GALNT14: variants seen among roughly 807,000 people sequenced by gnomAD.
The protein encoded by GALNT14 is UDP-GalNAc:polypeptide N-acetylgalactosaminyltransferase 14.
GALNT14 carries 60 observed loss-of-function variants against 77.5 expected under a neutral mutation model. The ratio of observed to expected loss-of-function variants is 0.77; its 90% CI spans 0.63 to 0.96. The LOEUF (loss-of-function observed/expected upper bound fraction) is 0.96, where lower values mean the gene tolerates loss of function less well. GALNT14 is among the 40% of genes least tolerant of loss of function. The pLI is 0.00. For synonymous variants in GALNT14, 280 were observed against 281.7 expected (o/e 0.99, Z 0.06); for missense variants, 710 against 731.0 (o/e 0.97, Z 0.33).
chr2:31,125,324 A>G (rs1678653443), intron 1 of GALNT14: 1 of 1,136,494 alleles, frequency 8.8e-7, no homozygotes, highest in Admixed American at 2.0e-5. Flanking sequence ...TTGATTTCAC[A>G]GAGATCTTAC....
intron 2 of GALNT14, among the ~76,000 whole-genome samples, chr2:30,970,883 G>A (rs987804824): frequency 4.6e-5 from 7 of 152,110 alleles, no homozygotes; most frequent in African/African-American, 1.4e-4. Flanking sequence ...CCTCACAACC[G>A]CCCCCACTCC....
chr2:30,988,088 C>T (rs1013128503), intron 2 of GALNT14, among the ~76,000 whole-genome samples: 2 of 152,242 alleles, frequency 1.3e-5, no homozygotes, highest in Admixed American at 1.3e-4. Flanking sequence ...CTTCCTTTAG[C>T]TCCTCTTTTC....
chr2:30,933,708 G>T (rs189021027), intron 9 of GALNT14, among the ~76,000 whole-genome samples: 1 of 152,318 alleles, frequency 6.6e-6, no homozygotes, highest in East Asian at 1.9e-4. Flanking sequence ...CAATAACATG[G>T]GGGAAAGGAA....
chr2:31,120,073 G>A lies in GALNT14; in HGVS notation c.129+17885C>T, dbSNP rs920860138. On this transcript the variant is annotated intron_variant, in intron 1 of 14. Coordinates refer to ENST00000349752, the MANE Select transcript of GALNT14 (RefSeq NM_024572.4). ...CGGGAGGCTGAGGCAGGAGAATGGCGTGAACCCGGGAGGCGGAGCTTGCAG... is the reference window on the plus strand; with the variant it reads ...CGGGAGGCTGAGGCAGGAGAATGGCATGAACCCGGGAGGCGGAGCTTGCAG... Among the ~76,000 whole-genome samples, 5 of 123,476 alleles carry A rather than the reference G, an allele frequency of 4.0e-5. 1 individual carries two copies. The highest frequency in any genetic ancestry group is 8.9e-5 in the Admixed American group (1 of 11,176). 81.0% of individuals were successfully genotyped at this position (123,476 alleles called of 152,430 possible). A position where few individuals can be genotyped will look rare whatever the true frequency, so the allele number is the denominator to read the frequency against.
intron 2 of GALNT14, among the ~76,000 whole-genome samples, chr2:30,973,783 C>T (rs894647919): frequency 1.3e-5 from 2 of 152,204 alleles, no homozygotes; most frequent in East Asian, 1.9e-4. Context: ...TAAACATATA[C>T]TGCTCTTATT....
rs371834072 is a variant in GALNT14, at chr2:31,015,345, G to A, written c.130-22338C>T. On this transcript the variant is annotated intron_variant, in intron 1 of 14. Transcript: ENST00000349752. Reference sequence around the variant, plus strand: ...ATGGGAACTCACTCTCTGCCAGTGAGAGTTGAGAGTTAGTGACTACAGCCT... The same window carrying A: ...ATGGGAACTCACTCTCTGCCAGTGAAAGTTGAGAGTTAGTGACTACAGCCT... 1.3e-4 allele frequency among the ~76,000 whole-genome samples: 19 copies of A among 151,268 alleles called. No homozygotes were observed. The East Asian group carries it at 2.1e-3, about 17-fold the overall frequency.
intron 1 of GALNT14, among the ~76,000 whole-genome samples, chr2:31,043,540 G>T (rs2148504232): frequency 6.6e-6 from 1 of 152,292 alleles, no homozygotes; most frequent in South Asian, 2.1e-4. Flanking sequence ...CACTGTGCTT[G>T]AAGATGGGAA....
chr2:30,966,224 C>T lies in GALNT14; in HGVS notation c.378G>A (p.Thr126=), dbSNP rs200313372. The T allele has an allele frequency of 2.3e-5, 37 of 1,613,804 alleles. No homozygotes were observed. The highest frequency in any genetic ancestry group is 1.6e-4 in the Middle Eastern group (1 of 6,084). ...IITFHNEARS[T]LLRTIRSVLN... is the part of the protein sequence containing the mutation. ...CTCACCTGCGGATGGTCCTGAGCAGCGTGGAGCGGGCCTCGTTGTGGAAGG... is the reference window on the plus strand; with the variant it reads ...CTCACCTGCGGATGGTCCTGAGCAGTGTGGAGCGGGCCTCGTTGTGGAAGG... The change falls in exon 3 of 15, where the codon ACG becomes ACA. Residue 126 remains threonine (T), a synonymous_variant. Coordinates refer to ENST00000349752, the MANE Select transcript of GALNT14 (RefSeq NM_024572.4).
chr2:30,944,773 A>T, intron 8 of GALNT14, 85 bp downstream of exon 8: 2 of 1,058,216 alleles, frequency 1.9e-6, no homozygotes, highest in Non-Finnish European at 2.7e-6. Flanking sequence ...TGATGCTTTG[A>T]CATCTGATAT....
chr2:31,138,151 TGGC>T lies in GALNT14; in HGVS notation c.-68_-66del. ...GGGGGCACCCCCCGGCGGTCAGGGT[TGGC>T]GGGGCAGGAGTCCTGGCGAGCGCCT... On this transcript the variant is annotated 5_prime_UTR_variant, in exon 1 of 15. Coordinates refer to ENST00000349752, the MANE Select transcript of GALNT14 (RefSeq NM_024572.4). 6.2e-7 allele frequency: 1 copy of T among 1,609,110 alleles called. No homozygotes were observed. Among genetic ancestry groups the T allele is most frequent in the Non-Finnish European group, 8.5e-7 (1 of 1,176,922 alleles).
chr2:30,957,107 T>TG (rs1667415095), intron 4 of GALNT14, among the ~76,000 whole-genome samples: 1 of 152,150 alleles, frequency 6.6e-6, no homozygotes, highest in African/African-American at 2.4e-5. Context: ...TCCACCATTG[T>TG]GGTTTTGCTT....
chr2:30,977,089 T>C (rs1558459814), intron 2 of GALNT14, among the ~76,000 whole-genome samples: 1 of 146,964 alleles, frequency 6.8e-6, no homozygotes, highest in African/African-American at 2.6e-5. Context: ...TTGGCTTTTC[T>C]GTCTTTTTTT....
intron 1 of GALNT14, among the ~76,000 whole-genome samples, chr2:31,120,591 C>T (rs1041335473): frequency 7.9e-5 from 12 of 152,160 alleles, no homozygotes; most frequent in Non-Finnish European, 1.8e-4. Flanking sequence ...GAGTCTCACT[C>T]TGTCGCCCAG....
In GALNT14 at chr2:30,945,685, A is replaced by G. The variant is rs1475907417; in HGVS notation, c.742+98T>C. ...AGGTTGCAGGCTGAGCTTTCTCGAC[A>G]AGCAACTAAGAGCTTTTCCTTCACT... On this transcript the variant is annotated intron_variant, in intron 7 of 14. Coordinates refer to ENST00000349752, the MANE Select transcript of GALNT14 (RefSeq NM_024572.4). The G allele has an allele frequency of 4.1e-6, 4 of 980,416 alleles. No individual in the cohort carries two copies. The Admixed American group carries it at 5.6e-5, about 14-fold the overall frequency. 60.7% of individuals were successfully genotyped at this position (980,416 alleles called of 1,614,324 possible). A position where few individuals can be genotyped will look rare whatever the true frequency, so the allele number is the denominator to read the frequency against.
At chr2:30,912,139 C>A in intron 14 of GALNT14, 84 bp downstream of exon 14, 1 of 1,524,546 alleles carries the variant, frequency 6.6e-7, no homozygotes. Flanking sequence ...CAATTTCTCT[C>A]TTTTCCTGCT....
chr2:31,014,418 G>T (rs78894218), intron 1 of GALNT14, among the ~76,000 whole-genome samples: 1 of 152,098 alleles, frequency 6.6e-6, no homozygotes, highest in Non-Finnish European at 1.5e-5. Flanking sequence ...TGGGCCCCCA[G>T]TTTCCAACCA....
At chr2:31,086,005 C>T (rs1176745261) in intron 1 of GALNT14, among the ~76,000 whole-genome samples, 2 of 152,210 alleles carry the variant, frequency 1.3e-5, no homozygotes, top group Non-Finnish European at 2.9e-5. Flanking sequence ...TACTCGCTAT[C>T]ACAAGAACAG....
chr2:30,901,321 C>T, the GALNT14 span, among the ~76,000 whole-genome samples: 1 of 152,038 alleles, frequency 6.6e-6, no homozygotes, highest in African/African-American at 2.4e-5. Flanking sequence ...GTCTCAGCCA[C>T]CCATATTGAG....
At chr2:30,928,883 G>A (rs1665550600) in intron 11 of GALNT14, among the ~76,000 whole-genome samples, 1 of 152,148 alleles carries the variant, frequency 6.6e-6, no homozygotes, top group Admixed American at 6.5e-5. Context: ...CCAAAGTGCT[G>A]GGATTACAGG....
Sources: gnomAD v4.1 joint callset for allele counts (sites outside exome capture counted in the v4.1 genomes callset) on GRCh38, gnomAD v4.1.1 for gene constraint, MANE v1.5 for transcripts, NCBI Gene and HGNC (gene_info 2026-07-23, HGNC 2026-07-21) for gene names.